NDST4: variants seen among roughly 807,000 people sequenced by gnomAD.
NDST4 encodes N-heparan sulfate sulfotransferase 4.
A neutral mutation model predicts 100.8 loss-of-function variants in NDST4; 63 were observed. The ratio of observed to expected loss-of-function variants is 0.62; its 90% CI spans 0.51 to 0.77. The LOEUF (loss-of-function observed/expected upper bound fraction) is 0.77. NDST4 is among the 30% of genes least tolerant of loss of function. The pLI, the probability that NDST4 is intolerant of heterozygous loss-of-function variation, is 0.00. For missense variants in NDST4, 943 were observed against 1,018.4 expected (o/e 0.93, Z 1.01); for synonymous variants, 377 against 361.8 (o/e 1.04, Z -0.48).
intron 2 of NDST4, among the ~76,000 whole-genome samples, chr4:115,019,696 A>C (rs1727766881): frequency 6.6e-6 from 1 of 152,158 alleles, no homozygotes; most frequent in South Asian, 2.1e-4. Flanking sequence ...CAATTTAATT[A>C]CCATTGTAAT....
At chr4:114,946,368 A>C (rs1725863360) in intron 4 of NDST4, among the ~76,000 whole-genome samples, 2 of 152,146 alleles carry the variant, frequency 1.3e-5, no homozygotes, top group Admixed American at 1.3e-4. Flanking sequence ...AAGTAAGTAA[A>C]TTGTGTAATA....
intron 5 of NDST4, among the ~76,000 whole-genome samples, chr4:114,936,403 G>A (rs1398461954): frequency 6.6e-6 from 1 of 152,110 alleles, no homozygotes; most frequent in African/African-American, 2.4e-5. Context: ...GTGTGCATTT[G>A]CTTTACTCAC....
intron 4 of NDST4, among the ~76,000 whole-genome samples, chr4:114,951,390 C>T (rs1227186350): frequency 6.6e-6 from 1 of 152,004 alleles, no homozygotes; most frequent in Non-Finnish European, 1.5e-5. Flanking sequence ...CTGTTTCCAA[C>T]TTGAATATTA....
At chr4:115,108,579 T>G (rs1262177939) in intron 1 of NDST4, among the ~76,000 whole-genome samples, 1 of 151,938 alleles carries the variant, frequency 6.6e-6, no homozygotes, top group Non-Finnish European at 1.5e-5. Context: ...TATCATTTTA[T>G]TTTTTACCAC....
intron 2 of NDST4, among the ~76,000 whole-genome samples, chr4:114,991,680 T>C (rs1288995598): frequency 1.3e-5 from 2 of 151,964 alleles, no homozygotes; most frequent in Non-Finnish European, 2.9e-5. Context: ...ATGAACAACT[T>C]GTTACTTATA....
chr4:115,033,989 A>G (rs1353510017), intron 2 of NDST4, among the ~76,000 whole-genome samples: 2 of 152,120 alleles, frequency 1.3e-5, no homozygotes, highest in African/African-American at 4.8e-5. Context: ...CCTAAAATCA[A>G]TGTTTAATAT....
chr4:114,970,649 G>A, intron 3 of NDST4, 65 bp from the exon 4 acceptor site: 1 of 1,403,064 alleles, frequency 7.1e-7, no homozygotes, highest in Non-Finnish European at 9.7e-7. Context: ...GGTTATTTTT[G>A]TCAGATTTAT....
At chr4:115,061,255 C>T (rs1225354267) in intron 2 of NDST4, among the ~76,000 whole-genome samples, 1 of 152,058 alleles carries the variant, frequency 6.6e-6, no homozygotes, top group Admixed American at 6.6e-5. Context: ...CCATTTGACT[C>T]AGCAATCCCA....
At chr4:114,897,103 T>G (rs1205214427) in intron 6 of NDST4, among the ~76,000 whole-genome samples, 6 of 152,148 alleles carry the variant, frequency 3.9e-5, no homozygotes, top group Non-Finnish European at 7.4e-5. Flanking sequence ...AGTCCACAGA[T>G]AGTTTACATT....
chr4:114,858,711 T>C (rs1723853122), intron 7 of NDST4, among the ~76,000 whole-genome samples: 1 of 152,182 alleles, frequency 6.6e-6, no homozygotes, highest in African/African-American at 2.4e-5. Flanking sequence ...ATGGACCCCC[T>C]TACCAGTATT....
At chr4:114,887,455 G>A (rs1724503680) in intron 6 of NDST4, among the ~76,000 whole-genome samples, 1 of 152,150 alleles carries the variant, frequency 6.6e-6, no homozygotes, top group African/African-American at 2.4e-5. Context: ...GAGGATGTCT[G>A]CCTGGTCATA....
chr4:114,937,175 C>T (rs1020219), intron 5 of NDST4, 143 bp downstream of exon 5: 3 of 858,310 alleles, frequency 3.5e-6, no homozygotes, highest in East Asian at 2.6e-5. Context: ...AATGCATAAC[C>T]AGTCACCATT....
intron 2 of NDST4, among the ~76,000 whole-genome samples, chr4:115,035,511 A>G (rs1019639376): frequency 1.3e-5 from 2 of 152,192 alleles, no homozygotes; most frequent in African/African-American, 2.4e-5. Flanking sequence ...GAATAATAAA[A>G]AAAGGCAGCA....
chr4:115,038,707 T>G (rs1048252474), intron 2 of NDST4, among the ~76,000 whole-genome samples: 1 of 152,206 alleles, frequency 6.6e-6, no homozygotes, highest in African/African-American at 2.4e-5. Flanking sequence ...CTGATCATGG[T>G]TGCTCACACC....
intron 4 of NDST4, among the ~76,000 whole-genome samples, chr4:114,968,708 C>T (rs907109214): frequency 6.6e-6 from 1 of 152,024 alleles, no homozygotes; most frequent in East Asian, 1.9e-4. Context: ...TATCACTGTT[C>T]CTTTGATTGC....
rs535188322 is a variant in NDST4 at position 114,840,926 on chromosome 4, T to G, written c.2116-1378A>C. ...TACACTTTTGAAGTTCTCTTGTTGT[T>G]GTATATTTATTGATATTTTTACATG... On this transcript the variant is annotated intron_variant, in intron 10 of 13. Coordinates refer to ENST00000264363, the MANE Select transcript of NDST4 (RefSeq NM_022569.3). Among the ~76,000 whole-genome samples, 15 of 152,284 alleles carry G rather than the reference T, an allele frequency of 9.9e-5. No homozygotes were observed. In the South Asian group the frequency reaches 2.3e-3, roughly 23 times the overall value.
At chr4:115,058,807 T>G (rs1259546861) in intron 2 of NDST4, among the ~76,000 whole-genome samples, 2 of 152,038 alleles carry the variant, frequency 1.3e-5, no homozygotes, top group East Asian at 3.9e-4. Context: ...CCACAGGAGC[T>G]CCAAACTTTT....
At chr4:114,928,074 T>G (rs1276041562) in intron 6 of NDST4, among the ~76,000 whole-genome samples, 1 of 152,204 alleles carries the variant, frequency 6.6e-6, no homozygotes, top group Non-Finnish European at 1.5e-5. Context: ...AATAGAAACA[T>G]TCTTCAGAGT....
intron 6 of NDST4, among the ~76,000 whole-genome samples, chr4:114,933,432 C>CTTTTTTTTTT (rs367931653): frequency 3.4e-5 from 3 of 89,246 alleles, no homozygotes; most frequent in African/African-American, 9.0e-5. Flanking sequence ...TTTTCTTTTC[C>CTTTTTTTTTT]TTTTTTTTTT....
Sources: gnomAD v4.1 joint callset for allele counts (sites outside exome capture counted in the v4.1 genomes callset) on GRCh38, gnomAD v4.1.1 for gene constraint, MANE v1.5 for transcripts, NCBI Gene and HGNC (gene_info 2026-07-23, HGNC 2026-07-21) for gene names.